ASPA: variants seen among roughly 807,000 people sequenced by gnomAD.
The protein encoded by ASPA is aspartoacylase, also known as ACY-2.
A neutral mutation model predicts 29.6 loss-of-function variants in ASPA; 25 were observed. That is an observed-to-expected ratio of 0.85 (90% CI 0.62 to 1.18). The LOEUF (loss-of-function observed/expected upper bound fraction) is 1.18, where lower values mean the gene tolerates loss of function less well. Among genes scored for constraint, ASPA ranks in the 50% most tolerant of loss-of-function variants. The pLI, the probability that ASPA is intolerant of heterozygous loss-of-function variation, is 0.00. For synonymous variants in ASPA, 131 were observed against 130.3 expected (o/e 1.01, Z -0.04); for missense variants, 333 against 385.7 (o/e 0.86, Z 1.14).
intron 5 of ASPA, among the ~76,000 whole-genome samples, chr17:3,498,557 G>A (rs1427803815): frequency 1.3e-5 from 2 of 152,100 alleles, no homozygotes; most frequent in African/African-American, 4.8e-5. Context: ...GTGTTGCCCA[G>A]GCTGGTTTTG....
At chr17:3,480,970 A>T (rs1449213464) in intron 1 of ASPA, among the ~76,000 whole-genome samples, 2 of 152,186 alleles carry the variant, frequency 1.3e-5, no homozygotes, top group Non-Finnish European at 2.9e-5. Context: ...AGATAAGAAG[A>T]TTAGCTGGGC....
At chr17:3,481,949 G>C (rs2073639055) in intron 2 of ASPA, 151 bp downstream of exon 2, 5 of 703,738 alleles carry the variant, frequency 7.1e-6, no homozygotes. Context: ...GGGGGGAAAG[G>C]GTGCTACCAG....
Position 3,481,676 on chromosome 17 carries a change from G to A in ASPA, c.310G>A (p.Asp104Asn). The A allele has an allele frequency of 6.2e-7, 1 of 1,613,900 alleles. No individual in the cohort carries two copies. The part of the protein sequence containing the change: ...QEINHLFGPK[D>N]SEDSYDIIFD... ...AATAAATCATTTATTTGGTCCAAAA[G>A]ACAGTGAAGATTCCTATGACATTAT... Residue 104 changes from aspartate to asparagine, a missense_variant, in exon 2 of 6, where the codon GAC becomes AAC. By Grantham distance (23) the Asp-to-Asn change is conservative. Coordinates refer to ENST00000263080, the MANE Select transcript of ASPA (RefSeq NM_000049.4).
Position 3,501,971 on chromosome 17 carries a change from A to T in ASPA, c.*2883A>T, listed in dbSNP as rs2073996398. 6.6e-6 allele frequency: 1 copy of T among 152,226 alleles called. No individual in the cohort carries two copies. The highest frequency in any genetic ancestry group is 1.9e-4 in the East Asian group (1 of 5,192). The allele number at this position is 152,226 out of a possible 1,614,324, so 9.4% of individuals were successfully genotyped here. A position where few individuals can be genotyped will look rare whatever the true frequency, so the allele number is the denominator to read the frequency against. ...CCATCTCAAAAAAAAAAAAAAAAAAAAAATGAGTTCTACTGTGAATAAAAT... is the reference window on the plus strand; with the variant it reads ...CCATCTCAAAAAAAAAAAAAAAAAATAAATGAGTTCTACTGTGAATAAAAT... On this transcript the variant is annotated 3_prime_UTR_variant, in exon 6 of 6. Transcript: ENST00000263080.
At chr17:3,496,613 A>C (rs1376316743) in intron 5 of ASPA, among the ~76,000 whole-genome samples, 1 of 152,202 alleles carries the variant, frequency 6.6e-6, no homozygotes, top group African/African-American at 2.4e-5. Flanking sequence ...GGACCCGGTT[A>C]TGAGTCTAGA....
At position 3,490,843 on chromosome 17, in the gene ASPA, T is replaced by C. The variant is rs966423145; in HGVS notation, c.634+1501T>C. ...CTATCACAACGGTGGAGAAAAGCAGTTCCTGGAACACCCCACCCCTTAACC... is the reference window on the plus strand; with the variant it reads ...CTATCACAACGGTGGAGAAAAGCAGCTCCTGGAACACCCCACCCCTTAACC... On this transcript the variant is annotated intron_variant, in intron 4 of 5. Transcript: ENST00000263080. The surrounding 1 kb of genome is among the most constrained non-coding windows in gnomAD (Gnocchi z 4.6). Among the ~76,000 whole-genome samples, 1 of 152,142 alleles carries C rather than the reference T, an allele frequency of 6.6e-6. No individual in the cohort carries two copies. Among genetic ancestry groups the C allele is most frequent in the Non-Finnish European group, 1.5e-5 (1 of 68,026 alleles).
intron 4 of ASPA, among the ~76,000 whole-genome samples, chr17:3,492,027 C>T (rs1224083490): frequency 6.6e-6 from 1 of 151,956 alleles, no homozygotes; most frequent in East Asian, 1.9e-4. Flanking sequence ...CAGGCGTGCA[C>T]CACCACACCT....
intron 4 of ASPA, among the ~76,000 whole-genome samples, chr17:3,493,337 C>T (rs1436242428): frequency 2.0e-5 from 3 of 151,888 alleles, no homozygotes; most frequent in Admixed American, 6.6e-5. Flanking sequence ...CTGAGGCGGG[C>T]GGATCACAAG....
intron 4 of ASPA, among the ~76,000 whole-genome samples, chr17:3,491,138 G>C (rs963836839): frequency 6.6e-6 from 1 of 152,222 alleles, no homozygotes; most frequent in Non-Finnish European, 1.5e-5. Flanking sequence ...GACATGCTTA[G>C]CTAAGTGACA....
intron 1 of ASPA, among the ~76,000 whole-genome samples, chr17:3,481,366 C>T (rs1432413748): frequency 2.0e-5 from 3 of 152,150 alleles, no homozygotes; most frequent in Non-Finnish European, 2.9e-5. Context: ...TGACCAGCCA[C>T]ATAAATGCAC....
At chr17:3,496,144 G>A (rs901265180) in intron 5 of ASPA, among the ~76,000 whole-genome samples, 1 of 152,156 alleles carries the variant, frequency 6.6e-6, no homozygotes, top group African/African-American at 2.4e-5. Context: ...AATAATGAAT[G>A]GCTCAGTATT....
chr17:3,498,835 A>C, intron 5 of ASPA, 56 bp from the exon 6 acceptor site: 2 of 1,406,518 alleles, frequency 1.4e-6, no homozygotes, highest in Non-Finnish European at 1.9e-6. Context: ...TCTGACATAA[A>C]TTTTTAGAGG....
intron 1 of ASPA, among the ~76,000 whole-genome samples, chr17:3,480,729 G>A (rs549957460): frequency 6.6e-6 from 1 of 152,208 alleles, no homozygotes; most frequent in Non-Finnish European, 1.5e-5. Flanking sequence ...AAGGGGGCTT[G>A]TTTTGGGAAA....
chr17:3,496,936 G>C (rs1397708604), intron 5 of ASPA, among the ~76,000 whole-genome samples: 1 of 152,084 alleles, frequency 6.6e-6, no homozygotes, highest in African/African-American at 2.4e-5. Context: ...CATGGTGGCA[G>C]GCGCCTGTAA....
At chr17:3,494,256 G>A (rs1477251572) in intron 4 of ASPA, 94 bp from the exon 5 acceptor site, 13 of 904,496 alleles carry the variant, frequency 1.4e-5, no homozygotes, top group African/African-American at 9.9e-5. Flanking sequence ...CACCCAACTC[G>A]GCCTCCCAAA....
chr17:3,475,822 T>C (rs1408057829), upstream of ASPA, among the ~76,000 whole-genome samples: 2 of 152,202 alleles, frequency 1.3e-5, no homozygotes, highest in Non-Finnish European at 2.9e-5. Context: ...AGGAAAAGAA[T>C]GGAATTTTTG....
intron 4 of ASPA, among the ~76,000 whole-genome samples, chr17:3,492,353 C>T (rs1363646563): frequency 1.3e-5 from 2 of 152,230 alleles, no homozygotes; most frequent in African/African-American, 4.8e-5. Flanking sequence ...CAAAAACATA[C>T]TCCTTTGTGT....
rs959111875 is a variant in ASPA at position 3,499,077 on chromosome 17, T to C, written c.931T>C (p.Cys311Arg). The stretch of plus-strand genomic sequence containing the variant: ...GCTCAATGCAAAAAGTATTCGCTGC[T>C]GTTTACATTAGAAATCACTTCCAGC... ...LTLNAKSIRC[C>R]LH The change falls in exon 6 of 6, where the codon TGT (cysteine) becomes CGT (arginine). Residue 311 changes from cysteine (C) to arginine (R), a missense_variant. Coordinates refer to ENST00000263080, the MANE Select transcript of ASPA (RefSeq NM_000049.4). 163 of 1,613,856 alleles carry C rather than the reference T, an allele frequency of 1.0e-4. No individual in the cohort carries two copies. Among genetic ancestry groups the C allele is most frequent in the Non-Finnish European group, 1.4e-4 (160 of 1,179,930 alleles).
rs2073770741 is a variant in ASPA, at chr17:3,488,746, T to C, written c.527-489T>C. On this transcript the variant is annotated intron_variant, in intron 3 of 5. Transcript: ENST00000263080. The surrounding 1 kb of genome is among the most constrained non-coding windows in gnomAD (Gnocchi z 6.1). ...GCAAAATCATTGCTCAAGGGTCACA[T>C]AGATTGTCATATTGACTGAAATCCA... 6.6e-6 allele frequency among the ~76,000 whole-genome samples: 1 copy of C among 152,196 alleles called. No homozygotes were observed. The highest frequency in any genetic ancestry group is 2.4e-5 in the African/African-American group (1 of 41,450).
Sources: allele counts gnomAD v4.1 joint callset (sites outside exome capture counted in the v4.1 genomes callset), GRCh38; gene constraint gnomAD v4.1.1; non-coding constraint Gnocchi (gnomAD v3.1); transcripts MANE v1.5; gene names NCBI Gene and HGNC (gene_info 2026-07-23, HGNC 2026-07-21).